The following SOX5 variants were observed in gnomAD, a reference collection of about 807,000 sequenced individuals.
SOX5 encodes transcription factor SOX-5.
SOX5 carries 9 observed loss-of-function variants against 92.0 expected under a neutral mutation model. The ratio of observed to expected loss-of-function variants is 0.10; its 90% CI spans 0.06 to 0.17. The LOEUF is 0.17. Among genes scored for constraint, SOX5 ranks in the 10% least tolerant of loss-of-function variants. The pLI, the probability that SOX5 is intolerant of heterozygous loss-of-function variation, is 1.00. For missense variants in SOX5, 642 were observed against 944.5 expected (o/e 0.68, Z 4.20); for synonymous variants, 344 against 336.3 (o/e 1.02, Z -0.25).
At chr12:23,950,220 C>G (rs928695758), upstream of SOX5, among the ~76,000 whole-genome samples, 1 of 151,826 alleles carries the variant, frequency 6.6e-6, no homozygotes, top group Non-Finnish European at 1.5e-5. Flanking sequence ...TATTCCTTCT[C>G]ACCCTTTTCT....
intron 4 of SOX5, among the ~76,000 whole-genome samples, chr12:24,164,178 G>A (rs377720044): frequency 2.9e-4 from 44 of 152,002 alleles, no homozygotes; most frequent in Admixed American, 9.8e-4. Flanking sequence ...CAATAATACC[G>A]TTTTCTATGA....
chr12:24,219,402 A>T (rs540230113), intron 3 of SOX5, among the ~76,000 whole-genome samples: 1 of 152,184 alleles, frequency 6.6e-6, no homozygotes, highest in South Asian at 2.1e-4. Context: ...TGCTCAAATA[A>T]ACATATCACA....
chr12:24,116,802 A>G (rs1174886296), intron 4 of SOX5, among the ~76,000 whole-genome samples: 1 of 152,166 alleles, frequency 6.6e-6, no homozygotes, highest in African/African-American at 2.4e-5. Flanking sequence ...TAATTTTTCA[A>G]ATCATGTGCA....
chr12:24,464,186 T>C (rs1053303838), intron 1 of SOX5, among the ~76,000 whole-genome samples: 3 of 152,170 alleles, frequency 2.0e-5, no homozygotes, highest in African/African-American at 4.8e-5. Context: ...TGTGTTTATG[T>C]ATGTTTATAT....
chr12:24,355,282 C>CTTTTTTTTTTTTTTTT (rs768157437), intron 2 of SOX5, among the ~76,000 whole-genome samples: 10 of 71,928 alleles, frequency 1.4e-4, no homozygotes, highest in Non-Finnish European at 1.8e-4. Flanking sequence ...AGGGGTGCAT[C>CTTTTTTTTTTTTTTTT]TTTTTTTTTT....
chr12:23,607,654 A>G (rs61923848), intron 8 of SOX5, among the ~76,000 whole-genome samples: 57,342 of 151,674 alleles, frequency 0.38, 11,125 homozygotes, highest in Middle Eastern at 0.46. Context: ...TGTCTGCCCT[A>G]ATAACAGGTG....
At chr12:24,024,541 C>T (rs142772168) in intron 4 of SOX5, among the ~76,000 whole-genome samples, 12 of 152,052 alleles carry the variant, frequency 7.9e-5, no homozygotes, top group East Asian at 3.9e-4. Context: ...TCAGAGAATA[C>T]GGGAATTCTT....
rs192779432 is a variant in SOX5 at position 23,858,497 on chromosome 12, A to G, written c.271-12304T>C. Among the ~76,000 whole-genome samples, 11 of 152,316 alleles carry G rather than the reference A, an allele frequency of 7.2e-5. No individual in the cohort carries two copies. The East Asian group carries it at 1.9e-3, about 27-fold the overall frequency. On this transcript the variant is annotated intron_variant, in intron 2 of 14. Transcript: ENST00000451604. ...CAAATAAAAACCACAGCGAGATACCATCTCACACCAGTCAGAATGGCTATT... is the reference window on the plus strand; with the variant it reads ...CAAATAAAAACCACAGCGAGATACCGTCTCACACCAGTCAGAATGGCTATT...
At chr12:24,005,452 A>G (rs536036893) in intron 4 of SOX5, among the ~76,000 whole-genome samples, 25 of 152,262 alleles carry the variant, frequency 1.6e-4, no homozygotes, top group African/African-American at 6.0e-4. Flanking sequence ...GTTGTATGCT[A>G]TCATGTTTCT....
At position 23,615,706 on chromosome 12, in the gene SOX5, A is replaced by G. The variant is rs577637218; in HGVS notation, c.1018-11173T>C. ...CATTCTTTTTTTATGGCTGTATAGT[A>G]TTCCATGGTGTATATGCACCACATT... On this transcript the variant is annotated intron_variant, in intron 8 of 14. Transcript: ENST00000451604. Among the ~76,000 whole-genome samples the G allele has an allele frequency of 1.2e-4, 19 of 152,224 alleles. 1 individual carries two copies. The South Asian group carries it at 3.7e-3, about 30-fold the overall frequency.
At chr12:24,191,610 A>C (rs911996518) in intron 4 of SOX5, among the ~76,000 whole-genome samples, 1 of 152,180 alleles carries the variant, frequency 6.6e-6, no homozygotes, top group Non-Finnish European at 1.5e-5. Flanking sequence ...AAGCTTCCAC[A>C]TGTTGCTATA....
intron 2 of SOX5, among the ~76,000 whole-genome samples, chr12:24,310,289 T>G (rs959599490): frequency 3.3e-5 from 5 of 152,196 alleles, no homozygotes; most frequent in Non-Finnish European, 7.4e-5. Flanking sequence ...ACATTTAAAA[T>G]GTCTGTAAAG....
chr12:23,581,594 T>G (rs1337691985), intron 9 of SOX5, among the ~76,000 whole-genome samples: 1 of 152,116 alleles, frequency 6.6e-6, no homozygotes, highest in African/African-American at 2.4e-5. Flanking sequence ...CATACATTCA[T>G]CCATATCTTA....
intron 3 of SOX5, among the ~76,000 whole-genome samples, chr12:24,263,541 C>A (rs7294564): frequency 0.67 from 74,471 of 110,738 alleles, 25,945 homozygotes; most frequent in East Asian, 0.96. Context: ...AAAAAAAAAA[C>A]AAAAAAAAAA....
chr12:24,021,528 G>A (rs945417349), intron 4 of SOX5, among the ~76,000 whole-genome samples: 8 of 152,172 alleles, frequency 5.3e-5, no homozygotes, highest in Middle Eastern at 3.4e-3. Flanking sequence ...TCACAACATC[G>A]TCTTGTATAA....
At chr12:23,833,537 G>T (rs1012029289) in intron 3 of SOX5, among the ~76,000 whole-genome samples, 2 of 151,894 alleles carry the variant, frequency 1.3e-5, no homozygotes, top group African/African-American at 4.8e-5. Flanking sequence ...CATAGGTAAC[G>T]TTACCATATC....
At chr12:23,859,023 G>A (rs181868256) in intron 2 of SOX5, among the ~76,000 whole-genome samples, 31 of 152,222 alleles carry the variant, frequency 2.0e-4, no homozygotes, top group East Asian at 7.7e-4. Flanking sequence ...ATTAGCTGAG[G>A]ATGTATGTCA....
intron 2 of SOX5, among the ~76,000 whole-genome samples, chr12:24,307,202 C>T (rs1033811023): frequency 6.6e-6 from 1 of 152,116 alleles, no homozygotes. Flanking sequence ...TCATTTCATC[C>T]CCACCAGGGT....
intron 4 of SOX5, among the ~76,000 whole-genome samples, chr12:24,051,338 A>G (rs1380548930): frequency 6.6e-6 from 1 of 152,180 alleles, no homozygotes; most frequent in Non-Finnish European, 1.5e-5. Context: ...TGTTACCAAG[A>G]AACAATCGAG....
Sources: gnomAD v4.1 joint callset for allele counts (sites outside exome capture counted in the v4.1 genomes callset) on GRCh38, gnomAD v4.1.1 for gene constraint, MANE v1.5 for transcripts, NCBI Gene and HGNC (gene_info 2026-07-23, HGNC 2026-07-21) for gene names.